VAV3: variants seen among roughly 807,000 people sequenced by gnomAD.
The protein encoded by VAV3 is guanine nucleotide exchange factor VAV3.
Under a neutral mutation model 131.2 loss-of-function variants are expected in VAV3, and 94 were observed. The ratio of observed to expected loss-of-function variants is 0.72; its 90% CI spans 0.61 to 0.85. The LOEUF (loss-of-function observed/expected upper bound fraction) is 0.85, where lower values mean the gene tolerates loss of function less well. Ranked by LOEUF, VAV3 falls within the 40% of genes least tolerant of loss-of-function variation. The pLI, the probability that VAV3 is intolerant of heterozygous loss-of-function variation, is 0.00. For missense variants in VAV3, 939 were observed against 1,002.7 expected, an observed-to-expected ratio of 0.94 and a Z score of 0.86; for synonymous variants, 349 against 342.0, an observed-to-expected ratio of 1.02 and a Z score of -0.22.
intron 20 of VAV3, among the ~76,000 whole-genome samples, chr1:107,641,684 G>C (rs540084077): frequency 2.0e-5 from 3 of 152,184 alleles, no homozygotes; most frequent in African/African-American, 7.2e-5. Context: ...TATTACTGTG[G>C]GTAGGTAAAA....
At chr1:107,577,954 G>T (rs746245380) in intron 25 of VAV3, among the ~76,000 whole-genome samples, 1 of 152,346 alleles carries the variant, frequency 6.6e-6, no homozygotes, top group Non-Finnish European at 1.5e-5. Context: ...AACTGGGAAT[G>T]AGTTCACATC....
chr1:107,663,689 C>T (rs1288532654), intron 19 of VAV3, among the ~76,000 whole-genome samples: 1 of 152,260 alleles, frequency 6.6e-6, no homozygotes, highest in African/African-American at 2.4e-5. Context: ...ATCTGATTGC[C>T]TTGACTTTCG....
chr1:107,964,543 C>T, intron 1 of VAV3, 123 bp downstream of exon 1: 2 of 1,118,124 alleles, frequency 1.8e-6, no homozygotes, highest in Non-Finnish European at 2.5e-6. Context: ...GGTCCCAAAG[C>T]AGAAGGCTGG....
At chr1:107,710,553 T>G (rs945087288) in intron 15 of VAV3, among the ~76,000 whole-genome samples, 11 of 152,178 alleles carry the variant, frequency 7.2e-5, no homozygotes, top group Non-Finnish European at 1.2e-4. Context: ...ACAGTCTTAT[T>G]TTTATTTATT....
At chr1:107,790,048 G>A (rs567773178) in intron 2 of VAV3, among the ~76,000 whole-genome samples, 295 of 152,246 alleles carry the variant, frequency 1.9e-3, no homozygotes, top group African/African-American at 7.0e-3. Context: ...CTCCACAGAC[G>A]CAGGTGGTAG....
At chr1:107,724,566 C>G (rs1661712695) in intron 15 of VAV3, among the ~76,000 whole-genome samples, 1 of 151,844 alleles carries the variant, frequency 6.6e-6, no homozygotes, top group Non-Finnish European at 1.5e-5. Context: ...AAAGTGATTC[C>G]CAAAGGTGTA....
chr1:107,914,369 CTG>C (rs1672514650), intron 1 of VAV3, among the ~76,000 whole-genome samples: 1 of 152,198 alleles, frequency 6.6e-6, no homozygotes. Context: ...CTGGTTGCTC[CTG>C]TCTCTCCTGT....
intron 15 of VAV3, among the ~76,000 whole-genome samples, chr1:107,714,488 TTC>T (rs1269652793): frequency 1.3e-5 from 2 of 152,148 alleles, no homozygotes; most frequent in Non-Finnish European, 2.9e-5. Context: ...AAATAGGTTT[TTC>T]TTTCTTTCAT....
At chr1:107,915,419 A>G (rs1262293727) in intron 1 of VAV3, among the ~76,000 whole-genome samples, 1 of 152,144 alleles carries the variant, frequency 6.6e-6, no homozygotes, top group Non-Finnish European at 1.5e-5. Flanking sequence ...TATCACCCCC[A>G]TGTGATTTAC....
intron 15 of VAV3, among the ~76,000 whole-genome samples, chr1:107,723,364 A>C (rs1372082150): frequency 6.6e-6 from 1 of 151,976 alleles, no homozygotes. Flanking sequence ...ATTCACCTTC[A>C]GGGTTGTCTT....
At chr1:107,838,581 C>A (rs994791315) in intron 2 of VAV3, among the ~76,000 whole-genome samples, 9 of 152,196 alleles carry the variant, frequency 5.9e-5, no homozygotes, top group African/African-American at 2.2e-4. Flanking sequence ...AACTACCATT[C>A]AATCCAGCAA....
At chr1:107,736,093 T>C (rs1199858417) in intron 15 of VAV3, among the ~76,000 whole-genome samples, 2 of 151,748 alleles carry the variant, frequency 1.3e-5, no homozygotes, top group African/African-American at 4.8e-5. Flanking sequence ...ATAAACAGAA[T>C]CAAAGACAAA....
intron 20 of VAV3, among the ~76,000 whole-genome samples, chr1:107,629,278 T>C (rs1476620972): frequency 2.0e-5 from 3 of 152,230 alleles, no homozygotes; most frequent in Admixed American, 2.0e-4. Context: ...TAATTTTACA[T>C]TTGCCTGTTT....
intron 1 of VAV3, among the ~76,000 whole-genome samples, chr1:107,948,909 C>A (rs1479914908): frequency 6.6e-6 from 1 of 152,070 alleles, no homozygotes; most frequent in African/African-American, 2.4e-5. Flanking sequence ...TCAAATAGGA[C>A]CATTCTAGTC....
At chr1:107,829,102 A>G (rs752708743) in intron 2 of VAV3, among the ~76,000 whole-genome samples, 2 of 152,240 alleles carry the variant, frequency 1.3e-5, no homozygotes, top group Non-Finnish European at 2.9e-5. Flanking sequence ...TCCATTTGCC[A>G]TGATGAGCCA....
chr1:107,948,947 G>T (rs982320839), intron 1 of VAV3, among the ~76,000 whole-genome samples: 17 of 152,094 alleles, frequency 1.1e-4, no homozygotes, highest in African/African-American at 3.9e-4. Context: ...TTTAATTACT[G>T]AATCCATGTT....
intron 1 of VAV3, among the ~76,000 whole-genome samples, chr1:107,961,407 C>T (rs754654220): frequency 1.3e-5 from 2 of 152,138 alleles, no homozygotes; most frequent in African/African-American, 4.8e-5. Context: ...ACAGCTATCA[C>T]CAGTAGGCTC....
intron 1 of VAV3, among the ~76,000 whole-genome samples, chr1:107,896,345 A>C (rs1456486482): frequency 1.3e-5 from 2 of 151,840 alleles, no homozygotes; most frequent in South Asian, 2.1e-4. Flanking sequence ...AAGAGCTATC[A>C]ATCTTCCAAT....
At chr1:107,964,628 G>A in intron 1 of VAV3, 38 bp downstream of exon 1, 1 of 1,597,644 alleles carries the variant, frequency 6.3e-7, no homozygotes, top group East Asian at 2.3e-5. Context: ...AATGGGAGCT[G>A]CCGGCTGGAG....
Sources: allele counts gnomAD v4.1 joint callset (sites outside exome capture counted in the v4.1 genomes callset), GRCh38; gene constraint gnomAD v4.1.1; transcripts MANE v1.5; gene names NCBI Gene and HGNC (gene_info 2026-07-23, HGNC 2026-07-21).